PRDM5: variants seen among roughly 807,000 people sequenced by gnomAD.
The protein encoded by PRDM5 is PR domain zinc finger protein 5.
In PRDM5, 56 loss-of-function variants were observed where a neutral mutation model predicts 81.2. That is an observed-to-expected ratio of 0.69 (90% confidence interval 0.56 to 0.86). The LOEUF (loss-of-function observed/expected upper bound fraction) is 0.86. Among genes scored for constraint, PRDM5 ranks in the 40% least tolerant of loss-of-function variants. PRDM5 has a pLI of 0.00. For missense variants in PRDM5, 697 were observed against 770.1 expected, an observed-to-expected ratio of 0.91 and a Z score of 1.12; for synonymous variants, 267 against 256.4, an observed-to-expected ratio of 1.04 and a Z score of -0.39.
chr4:120,687,823 C>A (rs752703363), downstream of PRDM5, among the ~76,000 whole-genome samples: 3 of 152,100 alleles, frequency 2.0e-5, no homozygotes, highest in Non-Finnish European at 4.4e-5. Context: ...TTCTCTTGTG[C>A]CCTTTCACCT....
rs1197429196 is a variant in PRDM5, at chr4:120,849,576, G to A, written c.300+3842C>T. On this transcript the variant is annotated intron_variant, in intron 3 of 15. Coordinates refer to ENST00000264808, the MANE Select transcript of PRDM5 (RefSeq NM_018699.4). ...CTTTTTATGTAAATCGATAAGTATG[G>A]CAACTAGTCACAGAAAAGACATGCC... is the stretch of plus-strand genomic sequence containing the variant. Among the ~76,000 whole-genome samples the A allele has an allele frequency of 2.6e-5, 4 of 152,062 alleles. No individual in the cohort carries two copies. In the East Asian group the frequency reaches 7.7e-4, roughly 29 times the overall value.
chr4:120,799,358 G>A (rs1325378213), intron 9 of PRDM5, among the ~76,000 whole-genome samples: 1 of 152,148 alleles, frequency 6.6e-6, no homozygotes, highest in Non-Finnish European at 1.5e-5. Context: ...AATTTGAAAG[G>A]TAGGCACCAG....
chr4:120,910,456 CTT>C (rs897112615), intron 1 of PRDM5, among the ~76,000 whole-genome samples: 2 of 152,164 alleles, frequency 1.3e-5, no homozygotes, highest in African/African-American at 4.8e-5. Flanking sequence ...TTCTCTCTCT[CTT>C]TGTTCACTGT....
chr4:120,820,477 T>C (rs1429358053), intron 4 of PRDM5, among the ~76,000 whole-genome samples: 2 of 152,216 alleles, frequency 1.3e-5, no homozygotes, highest in African/African-American at 4.8e-5. Flanking sequence ...CCCTTAAATT[T>C]CCCTTAGGAG....
intron 14 of PRDM5, among the ~76,000 whole-genome samples, chr4:120,712,323 G>A (rs1217195605): frequency 6.6e-6 from 1 of 152,152 alleles, no homozygotes; most frequent in Non-Finnish European, 1.5e-5. Context: ...TTGAGATAGT[G>A]TATGCATGTT....
intron 2 of PRDM5, among the ~76,000 whole-genome samples, chr4:120,871,890 C>T (rs1016018406): frequency 2.6e-5 from 4 of 152,110 alleles, no homozygotes; most frequent in East Asian, 1.9e-4. Context: ...GCGTGGCTCA[C>T]GCCTGTTATC....
At chr4:120,751,190 T>G (rs1173478916) in intron 14 of PRDM5, among the ~76,000 whole-genome samples, 2 of 152,034 alleles carry the variant, frequency 1.3e-5, no homozygotes, top group African/African-American at 4.8e-5. Context: ...AATACAGGAA[T>G]GAGCCACTGT....
intron 10 of PRDM5, among the ~76,000 whole-genome samples, chr4:120,789,292 C>T (rs112672639): frequency 4.6e-5 from 7 of 152,154 alleles, no homozygotes; most frequent in Admixed American, 2.6e-4. Context: ...AGGTTTCTGG[C>T]GTAATGTACA....
intron 2 of PRDM5, among the ~76,000 whole-genome samples, chr4:120,863,881 T>C (rs1354188293): frequency 1.3e-5 from 2 of 152,192 alleles, no homozygotes; most frequent in East Asian, 1.9e-4. Flanking sequence ...GAAGTAAATC[T>C]GGTTGGGAAG....
At position 120,720,528 on chromosome 4, in the gene PRDM5, C is replaced by T. The variant is rs536059045; in HGVS notation, c.1624-10115G>A. On this transcript the variant is annotated intron_variant, in intron 14 of 15. Transcript: ENST00000264808. ...ACACACAGCTGAGGGAACAGAGCTA[C>T]AGCCCACAGTACGGCATGCCATATA... is the stretch of plus-strand genomic sequence containing the variant. Among the ~76,000 whole-genome samples the T allele has an allele frequency of 6.6e-5, 10 of 152,340 alleles. No homozygotes were observed. The South Asian group carries it at 2.1e-3, about 32-fold the overall frequency.
At chr4:120,799,940 A>G (rs1038759569) in intron 8 of PRDM5, among the ~76,000 whole-genome samples, 195 bp from the exon 9 acceptor site, 3 of 152,238 alleles carry the variant, frequency 2.0e-5, no homozygotes, top group Non-Finnish European at 4.4e-5. Flanking sequence ...AGTAAAAAAT[A>G]TCTTTTGAGA....
At chr4:120,826,824 G>A (rs1206987302) in intron 3 of PRDM5, among the ~76,000 whole-genome samples, 1 of 152,154 alleles carries the variant, frequency 6.6e-6, no homozygotes, top group African/African-American at 2.4e-5. Flanking sequence ...ACTGTATATG[G>A]AGTGTGAGAG....
chr4:120,762,002 T>C (rs542839387), intron 13 of PRDM5, among the ~76,000 whole-genome samples: 3 of 152,150 alleles, frequency 2.0e-5, no homozygotes, highest in Non-Finnish European at 4.4e-5. Context: ...GCTTTGAACA[T>C]TTTATAAACA....
chr4:120,703,370 T>C (rs1735657222), intron 15 of PRDM5, among the ~76,000 whole-genome samples: 1 of 152,042 alleles, frequency 6.6e-6, no homozygotes, highest in African/African-American at 2.4e-5. Flanking sequence ...TTTTGTTTTT[T>C]GTAAACATGG....
chr4:120,739,837 G>C (rs1741655149), intron 14 of PRDM5, among the ~76,000 whole-genome samples: 1 of 151,962 alleles, frequency 6.6e-6, no homozygotes, highest in Non-Finnish European at 1.5e-5. Context: ...ATTTAAGATA[G>C]CTGACTGGCT....
chr4:120,738,002 C>T (rs17051239), intron 14 of PRDM5, among the ~76,000 whole-genome samples: 6,095 of 152,264 alleles, frequency 0.04, 258 homozygotes, highest in Middle Eastern at 0.13. Flanking sequence ...CAATTCCTGT[C>T]TACATGAAAG....
intron 7 of PRDM5, among the ~76,000 whole-genome samples, chr4:120,815,811 A>G (rs900853562): frequency 3.9e-5 from 6 of 152,228 alleles, no homozygotes; most frequent in African/African-American, 1.2e-4. Context: ...GAGACAATAC[A>G]GCCATCTGTT....
chr4:120,906,025 G>A (rs1765756830), intron 2 of PRDM5, among the ~76,000 whole-genome samples: 1 of 152,120 alleles, frequency 6.6e-6, no homozygotes, highest in Non-Finnish European at 1.5e-5. Flanking sequence ...AGGCTGGAGT[G>A]CAGTGGCAAG....
chr4:120,855,509 G>C (rs1423962992), intron 2 of PRDM5, among the ~76,000 whole-genome samples: 3 of 152,018 alleles, frequency 2.0e-5, no homozygotes, highest in Admixed American at 6.6e-5. Flanking sequence ...CTGCCCACTG[G>C]GAAATTCCAA....
Sources: gnomAD v4.1 joint callset for allele counts (sites outside exome capture counted in the v4.1 genomes callset) on GRCh38, gnomAD v4.1.1 for gene constraint, MANE v1.5 for transcripts, NCBI Gene and HGNC (gene_info 2026-07-23, HGNC 2026-07-21) for gene names.